Variants in TAPBPL observed in about 807,000 individuals in gnomAD.
TAPBPL encodes TAP binding protein like, also known as tapasin-related protein.
A neutral mutation model predicts 44.8 loss-of-function variants in TAPBPL; 32 were observed. The ratio of observed to expected loss-of-function variants is 0.71; its 90% confidence interval spans 0.54 to 0.96. The LOEUF is 0.96. Ranked by LOEUF, TAPBPL falls within the 40% of genes least tolerant of loss-of-function variation. TAPBPL has a pLI of 0.00. For missense variants in TAPBPL, 520 were observed against 586.6 expected (o/e 0.89, Z 1.17); for synonymous variants, 230 against 240.7 (o/e 0.96, Z 0.41).
chr12:6,453,822 A>G lies in TAPBPL; in HGVS notation c.565+106A>G, dbSNP rs970215481. The G allele has an allele frequency of 2.2e-6, 3 of 1,379,770 alleles. No individual in the cohort carries two copies. Among genetic ancestry groups the G allele is most frequent in the African/African-American group, 1.5e-5 (1 of 68,830 alleles). 85.5% of individuals were successfully genotyped at this position (1,379,770 alleles called of 1,614,324 possible). On this transcript the variant is annotated intron_variant, in intron 3 of 6. Coordinates refer to ENST00000266556, the MANE Select transcript of TAPBPL (RefSeq NM_018009.5). This position sits in a 1 kb window ranked among gnomAD's most constrained non-coding sequence, Gnocchi z 4.8. ...CACCTGAGGTCAGGAGTTTGAGATCAGCCTGGTCAACACGGTGAAACCCCG... is the reference window on the plus strand; with the variant it reads ...CACCTGAGGTCAGGAGTTTGAGATCGGCCTGGTCAACACGGTGAAACCCCG...
downstream of TAPBPL, chr12:6,464,338 G>T: frequency 1.3e-6 from 2 of 1,550,544 alleles, no homozygotes; most frequent in Non-Finnish European, 1.7e-6. Flanking sequence ...AACGAAAAAG[G>T]AGGAATGGGT....
At chr12:6,470,080 A>T (rs957011652), downstream of TAPBPL, among the ~76,000 whole-genome samples, 1 of 152,140 alleles carries the variant, frequency 6.6e-6, no homozygotes, top group African/African-American at 2.4e-5. Flanking sequence ...AAACAAATCC[A>T]GAGATTGTAG....
chr12:6,466,319 G>A (rs745367763), downstream of TAPBPL: 1 of 1,614,092 alleles, frequency 6.2e-7, no homozygotes, highest in Non-Finnish European at 8.5e-7. Context: ...AGTCCCTTCT[G>A]TCCCTTCAGC....
At chr12:6,462,631 G>A, downstream of TAPBPL, 1 of 653,068 alleles carries the variant, frequency 1.5e-6, no homozygotes, top group Non-Finnish European at 2.6e-6. Flanking sequence ...GCCTCAGAGG[G>A]ACAGAAACCC....
chr12:6,465,114 G>T (rs1241754565), downstream of TAPBPL: 1 of 840,582 alleles, frequency 1.2e-6, no homozygotes, highest in Non-Finnish European at 1.8e-6. Flanking sequence ...CTTCCCAGGG[G>T]ATCATAACCA....
downstream of TAPBPL, chr12:6,462,562 T>G: frequency 3.7e-6 from 2 of 547,840 alleles, no homozygotes; most frequent in East Asian, 3.0e-5. Context: ...ACAGGGTGGG[T>G]GAGAAAGAAA....
At position 6,462,062 on chromosome 12, in the gene TAPBPL, T is replaced by G; in HGVS notation, c.1320T>G (p.Ala440=). 1.9e-6 allele frequency: 3 copies of G among 1,613,782 alleles called. No homozygotes were observed. Among genetic ancestry groups the G allele is most frequent in the Non-Finnish European group, 2.5e-6 (3 of 1,179,676 alleles). ...QAPTGLGLLQ[A]ERWETTSCAD... is the part of the protein sequence containing the mutation. ...CTACAGGACTTGGGCTGCTTCAGGC[T>G]GAACGCTGGGAGACCACTTCCTGTG... The change falls in exon 7 of 7, where the codon GCT becomes GCG. Residue 440 remains alanine, a synonymous_variant. Transcript: ENST00000266556.
Position 6,453,844 on chromosome 12 carries a change from C to T in TAPBPL, c.565+128C>T, listed in dbSNP as rs1030330935. ...ATCAGCCTGGTCAACACGGTGAAAC[C>T]CCGTCTCTACTAATACCAAAATTAG... On this transcript the variant is annotated intron_variant, in intron 3 of 6. Transcript: ENST00000266556. This position sits in a 1 kb window ranked among gnomAD's most constrained non-coding sequence, Gnocchi z 4.8. The T allele has an allele frequency of 2.4e-6, 3 of 1,237,452 alleles. No individual in the cohort carries two copies. Among genetic ancestry groups the T allele is most frequent in the Admixed American group, 5.8e-5 (2 of 34,392 alleles). The allele number at this position is 1,237,452 out of a possible 1,614,324, so 76.7% of individuals were successfully genotyped here.
intron 3 of TAPBPL, among the ~76,000 whole-genome samples, chr12:6,456,172 C>A (rs980119011): frequency 5.3e-5 from 8 of 152,140 alleles, no homozygotes; most frequent in Admixed American, 2.6e-4. Context: ...AAACAAGAAT[C>A]ATGCAGTGCA....
At chr12:6,452,645 C>T in intron 1 of TAPBPL, 1 of 1,275,664 alleles carries the variant, frequency 7.8e-7, no homozygotes, top group Non-Finnish European at 9.9e-7. Context: ...GGAAGGTGAC[C>T]TTGAAGGCGG....
chr12:6,471,331 C>T (rs1358925421), downstream of TAPBPL, among the ~76,000 whole-genome samples: 5 of 152,210 alleles, frequency 3.3e-5, no homozygotes, highest in Non-Finnish European at 7.3e-5. This position sits in a 1 kb window ranked among gnomAD's most constrained non-coding sequence, Gnocchi z 4.0. Context: ...GTTACCACAT[C>T]GACTCAGTTG....
chr12:6,466,375 A>G (rs764000061), downstream of TAPBPL: 43 of 1,595,482 alleles, frequency 2.7e-5, no homozygotes, highest in Non-Finnish European at 3.5e-5. Context: ...TGTGCAGAGT[A>G]CACAAAGTGA....
chr12:6,454,126 C>T (rs1289902394), intron 3 of TAPBPL, among the ~76,000 whole-genome samples: 2 of 152,158 alleles, frequency 1.3e-5, no homozygotes, highest in Non-Finnish European at 2.9e-5. Context: ...CCTCCATCCA[C>T]ACTGGTCACC....
chr12:6,457,364 G>A (rs1949726949), intron 3 of TAPBPL, 42 bp from the exon 4 acceptor site: 2 of 1,574,082 alleles, frequency 1.3e-6, no homozygotes. Context: ...TGACCTCAAG[G>A]AGGAAGTAGC....
chr12:6,468,340 G>A (rs187553162), downstream of TAPBPL, among the ~76,000 whole-genome samples: 1 of 152,332 alleles, frequency 6.6e-6, no homozygotes, highest in East Asian at 1.9e-4. Flanking sequence ...ACAAGATGAG[G>A]AAATCAGGGC....
At chr12:6,471,200 G>T (rs960850190), downstream of TAPBPL, among the ~76,000 whole-genome samples, 1 of 152,178 alleles carries the variant, frequency 6.6e-6, no homozygotes, top group African/African-American at 2.4e-5. The surrounding 1 kb of genome is among the most constrained non-coding windows in gnomAD (Gnocchi z 4.0). Context: ...ACAAGCTCCT[G>T]GTGCCAGATA....
chr12:6,458,594 G>T (rs754826889), intron 4 of TAPBPL, 51 bp from the exon 5 acceptor site: 2 of 1,587,254 alleles, frequency 1.3e-6, no homozygotes, highest in Admixed American at 3.4e-5. Flanking sequence ...AGGCTCCTCC[G>T]CTGTCCCCAG....
At chr12:6,464,091 C>T, downstream of TAPBPL, 1 of 1,309,498 alleles carries the variant, frequency 7.6e-7, no homozygotes, top group Non-Finnish European at 1.0e-6. Flanking sequence ...CTAGAAGTCA[C>T]CATGGGCACC....
At chr12:6,460,729 C>T in intron 5 of TAPBPL, 126 bp from the exon 6 acceptor site, 1 of 821,942 alleles carries the variant, frequency 1.2e-6, no homozygotes. Context: ...TTGTTCCAGG[C>T]TCCTCAACCA....
Sources: gnomAD v4.1 joint callset for allele counts (sites outside exome capture counted in the v4.1 genomes callset) on GRCh38, gnomAD v4.1.1 for gene constraint, Gnocchi (gnomAD v3.1) non-coding constraint, MANE v1.5 for transcripts, NCBI Gene and HGNC (gene_info 2026-07-23, HGNC 2026-07-21) for gene names.